ADAMTS10: variants seen among roughly 807,000 people sequenced by gnomAD.
ADAMTS10 encodes the protein ADAM metallopeptidase with thrombospondin type 1 motif 10.
A neutral mutation model predicts 135.9 loss-of-function variants in ADAMTS10; 48 were observed. That is an observed-to-expected ratio of 0.35 (90% CI 0.28 to 0.45). The LOEUF (loss-of-function observed/expected upper bound fraction) is 0.45. Ranked by LOEUF, ADAMTS10 falls within the 20% of genes least tolerant of loss-of-function variation. The pLI, the probability that ADAMTS10 is intolerant of heterozygous loss-of-function variation, is 1.00. For missense variants in ADAMTS10, 1,131 were observed against 1,565.2 expected (o/e 0.72, Z 4.68); for synonymous variants, 621 against 647.5 (o/e 0.96, Z 0.62).
Position 8,605,678 on chromosome 19 carries a change from G to A in ADAMTS10, c.33C>T (p.Ala11=), listed in dbSNP as rs2042714640. The change falls in exon 3 of 26, where the codon GCC becomes GCT. Residue 11 remains alanine, a synonymous_variant. Transcript: ENST00000597188. The surrounding 1 kb of genome is among the most constrained non-coding windows in gnomAD (Gnocchi z 7.7). MAPACQILRW[A]LALGLGLMFE... ...ACATGAGGCCCAGCCCCAGGGCGAG[G>A]GCCCAGCGGAGGATCTGGCAGGCGG... 6.2e-7 allele frequency: 1 copy of A among 1,613,014 alleles called. No homozygotes were observed. Among genetic ancestry groups the A allele is most frequent in the Non-Finnish European group, 8.5e-7 (1 of 1,179,838 alleles).
chr19:8,592,722 CA>C (rs782011834), intron 13 of ADAMTS10, 40 bp downstream of exon 13: 9 of 1,576,492 alleles, frequency 5.7e-6, no homozygotes, highest in South Asian at 3.4e-5. Context: ...GGAGGTGGCT[CA>C]GGGGGCGTGG....
intron 6 of ADAMTS10, 98 bp downstream of exon 6, chr19:8,600,830 C>T: frequency 1.4e-6 from 2 of 1,460,542 alleles, no homozygotes; most frequent in Non-Finnish European, 9.5e-7. Flanking sequence ...GTCCCCACGT[C>T]AGGGATTGGG....
intron 6 of ADAMTS10, 75 bp from the exon 7 acceptor site, chr19:8,597,392 T>G: frequency 5.2e-6 from 7 of 1,348,438 alleles, no homozygotes; most frequent in Non-Finnish European, 7.3e-6. Flanking sequence ...AAAACAATGA[T>G]AACAGCTTGC....
In ADAMTS10 at chr19:8,589,435, CT is replaced by C; in HGVS notation, c.2034+16del. 3 of 1,613,272 alleles carry C rather than the reference CT, an allele frequency of 1.9e-6. No individual in the cohort carries two copies. Among genetic ancestry groups the C allele is most frequent in the Non-Finnish European group, 2.5e-6 (3 of 1,179,782 alleles). ...CGCTCCCCATCCCCTCTCCACCTCC[CT>C]GGGAGTCCCCTCCACCTTGCATTCG... On this transcript the variant is annotated intron_variant, in intron 17 of 25. Coordinates refer to ENST00000597188, the MANE Select transcript of ADAMTS10 (RefSeq NM_030957.4).
At chr19:8,606,297 A>G (rs951537985) in intron 2 of ADAMTS10, among the ~76,000 whole-genome samples, 11 of 152,052 alleles carry the variant, frequency 7.2e-5, no homozygotes, top group African/African-American at 2.4e-4. Flanking sequence ...TCCTGGCCTC[A>G]AGGGATCCTT....
Position 8,591,828 on chromosome 19 carries a change from C to G in ADAMTS10, c.1769G>C (p.Arg590Thr), listed in dbSNP as rs781873050. 1.2e-6 allele frequency: 2 copies of G among 1,613,880 alleles called. No individual in the cohort carries two copies. Among genetic ancestry groups the G allele is most frequent in the Non-Finnish European group, 1.7e-6 (2 of 1,180,032 alleles). ...CGTGTTGCAGGAGCGGTGCCGCCTT[C>G]TCTCACCCAGACAGTACTTGCCCCC... ...TIGGKYCLGE[R>T]RRHRSCNTDD... is the part of the protein sequence containing the mutation. Residue 590 changes from arginine (R) to threonine (T), a missense_variant, in exon 15 of 26, where the codon AGA becomes ACA. By Grantham distance (71) the Arg-to-Thr change is moderately conservative. Around this residue, in one of 3 missense-constraint regions of ADAMTS10, gnomAD observed 745 missense variants for 1,056.3 expected, o/e 0.71. Transcript: ENST00000597188.
intron 7 of ADAMTS10, 31 bp downstream of exon 7, chr19:8,597,203 G>C (rs375296777): frequency 6.2e-7 from 1 of 1,614,026 alleles, no homozygotes; most frequent in Non-Finnish European, 8.5e-7. Context: ...TGGTATGAAG[G>C]GGAAGGGGAA....
chr19:8,595,020 A>C (rs1195484384), intron 12 of ADAMTS10, among the ~76,000 whole-genome samples: 4 of 152,158 alleles, frequency 2.6e-5, no homozygotes, highest in African/African-American at 9.7e-5. Context: ...GCATCACAAA[A>C]ACTCTGATCG....
chr19:8,596,030 A>G lies in ADAMTS10; in HGVS notation c.1337+43T>C. The G allele has an allele frequency of 1.9e-6, 3 of 1,614,004 alleles. No individual in the cohort carries two copies. The highest frequency in any genetic ancestry group is 2.2e-5 in the South Asian group (2 of 91,078). ...CGTCTCCCGTGTACCCTGCCCCACC[A>G]TGAGTGTGACCCGCTCTGAGGGACA... On this transcript the variant is annotated intron_variant, in intron 11 of 25. Transcript: ENST00000597188. This position sits in a 1 kb window ranked among gnomAD's most constrained non-coding sequence, Gnocchi z 7.2.
Position 8,587,302 on chromosome 19 carries a change from G to A in ADAMTS10, c.2159-406C>T, listed in dbSNP as rs569728854. On this transcript the variant is annotated intron_variant, in intron 18 of 25. Transcript: ENST00000597188. ...CTCTGGAGTAGCTGGGACTACAGGC[G>A]TGAGCCACCACACCTGGCTAACTAA... 6.8e-5 allele frequency among the ~76,000 whole-genome samples: 10 copies of A among 147,920 alleles called. No homozygotes were observed. In the East Asian group the frequency reaches 8.0e-4, roughly 12 times the overall value.
At chr19:8,592,365 A>G in intron 13 of ADAMTS10, 1 of 663,782 alleles carries the variant, frequency 1.5e-6, no homozygotes, top group Non-Finnish European at 2.5e-6. Flanking sequence ...CGTGGAGACG[A>G]GGTGGGGCGT....
In ADAMTS10 at chr19:8,580,608, A is replaced by G; in HGVS notation, c.*285T>C. Reference sequence around the variant, plus strand: ...TGGGGACTCCCTAAGGGTGGGTTCAAAGGGTGCTGGGGTGAACAGCTGTCC... The same window carrying G: ...TGGGGACTCCCTAAGGGTGGGTTCAGAGGGTGCTGGGGTGAACAGCTGTCC... On this transcript the variant is annotated 3_prime_UTR_variant, in exon 26 of 26. Coordinates refer to ENST00000597188, the MANE Select transcript of ADAMTS10 (RefSeq NM_030957.4). The G allele has an allele frequency of 9.5e-6, 4 of 422,138 alleles. No individual in the cohort carries two copies. The highest frequency in any genetic ancestry group is 4.2e-5 in the South Asian group (2 of 47,178). 26.1% of individuals were successfully genotyped at this position (422,138 alleles called of 1,614,324 possible). A position where few individuals can be genotyped will look rare whatever the true frequency, so the allele number is the denominator to read the frequency against.
At chr19:8,586,026 A>C (rs1162771945) in intron 22 of ADAMTS10, 96 bp downstream of exon 22, 1 of 1,590,502 alleles carries the variant, frequency 6.3e-7, no homozygotes, top group Non-Finnish European at 8.6e-7. Context: ...CCGACTCTGC[A>C]CTAATCTGCT....
rs188563442 is a variant in ADAMTS10 at position 8,604,390 on chromosome 19, A to T, written c.436-506T>A. 2.0e-4 allele frequency among the ~76,000 whole-genome samples: 30 copies of T among 150,028 alleles called. 1 individual carries two copies. Among genetic ancestry groups the T allele is most frequent in the African/African-American group, 6.3e-4 (26 of 41,160 alleles). The stretch of plus-strand genomic sequence containing the variant: ...TAATTTCTTTTTATTTTAAAATTAT[A>T]TATGTGTGTATGTGTATAGTATGTA... On this transcript the variant is annotated intron_variant, in intron 4 of 25. Transcript: ENST00000597188.
chr19:8,607,277 G>A (rs1234104180), intron 2 of ADAMTS10, among the ~76,000 whole-genome samples: 2 of 152,080 alleles, frequency 1.3e-5, no homozygotes, highest in East Asian at 1.9e-4. Context: ...GCCCACCCAC[G>A]CACCCACTGT....
chr19:8,600,704 T>G lies in ADAMTS10; in HGVS notation c.810+224A>C, dbSNP rs192208534. ...TAGTAGAGATGGGGTTTCACCGTGTTAGCCAGGATGGTCTCCATCTCCTGA... is the reference window on the plus strand; with the variant it reads ...TAGTAGAGATGGGGTTTCACCGTGTGAGCCAGGATGGTCTCCATCTCCTGA... On this transcript the variant is annotated intron_variant, in intron 6 of 25. Transcript: ENST00000597188. Among the ~76,000 whole-genome samples, 469 of 152,124 alleles carry G rather than the reference T, an allele frequency of 3.1e-3. 3 individuals are homozygous for G. Among genetic ancestry groups the G allele is most frequent in the Admixed American group, 7.2e-3 (110 of 15,262 alleles).
rs1241219892 is a variant in ADAMTS10, at chr19:8,596,651, T to C, written c.1041-66A>G. On this transcript the variant is annotated intron_variant, in intron 8 of 25. Transcript: ENST00000597188. The surrounding 1 kb of genome is among the most constrained non-coding windows in gnomAD (Gnocchi z 7.2). ...TCCCTAAGCCCTGCTGATGCCACCATGCCCAGCTCTGGGGGTTGAGTCCTG... is the reference window on the plus strand; with the variant it reads ...TCCCTAAGCCCTGCTGATGCCACCACGCCCAGCTCTGGGGGTTGAGTCCTG... 33 of 1,581,328 alleles carry C rather than the reference T, an allele frequency of 2.1e-5. No homozygotes were observed. The highest frequency in any genetic ancestry group is 2.8e-5 in the Non-Finnish European group (32 of 1,158,302).
chr19:8,603,599 T>A, intron 5 of ADAMTS10, 129 bp downstream of exon 5: 1 of 1,376,278 alleles, frequency 7.3e-7, no homozygotes, highest in Admixed American at 1.9e-5. Context: ...TATCACTGTG[T>A]CCCCTTCTCA....
intron 17 of ADAMTS10, 33 bp from the exon 18 acceptor site, chr19:8,589,398 C>CCA: frequency 3.1e-6 from 5 of 1,607,208 alleles, no homozygotes; most frequent in Non-Finnish European, 4.2e-6. Context: ...AGGCGACCCC[C>CCA]TAACCCACCC....
Sources: gnomAD v4.1 joint callset for allele counts (sites outside exome capture counted in the v4.1 genomes callset) on GRCh38, gnomAD v4.1.1 for gene constraint, gnomAD v4.1.1 regional missense constraint, Gnocchi (gnomAD v3.1) non-coding constraint, MANE v1.5 for transcripts, NCBI Gene and HGNC (gene_info 2026-07-23, HGNC 2026-07-21) for gene names.